AHCYL2: variants seen among roughly 807,000 people sequenced by gnomAD.
AHCYL2 encodes S-adenosylhomocysteine hydrolase-like protein 2.
AHCYL2 carries 28 observed loss-of-function variants against 81.4 expected under a neutral mutation model. The ratio of observed to expected loss-of-function variants is 0.34; its 90% CI spans 0.25 to 0.47. The LOEUF (loss-of-function observed/expected upper bound fraction) is 0.47. Among genes scored for constraint, AHCYL2 ranks in the 20% least tolerant of loss-of-function variants. AHCYL2 has a pLI of 1.00. For missense variants in AHCYL2, 551 were observed against 785.1 expected, an observed-to-expected ratio of 0.70 and a Z score of 3.56; for synonymous variants, 272 against 290.2, an observed-to-expected ratio of 0.94 and a Z score of 0.64.
chr7:129,269,336 A>T (rs1795923076), intron 1 of AHCYL2, among the ~76,000 whole-genome samples: 1 of 151,160 alleles, frequency 6.6e-6, no homozygotes, highest in African/African-American at 2.4e-5. Context: ...GCCAGGTTGG[A>T]GTGCAGTGGC....
chr7:129,319,196 C>CT (rs1797929176), intron 1 of AHCYL2, among the ~76,000 whole-genome samples: 1 of 152,172 alleles, frequency 6.6e-6, no homozygotes, highest in South Asian at 2.1e-4. Context: ...TGGCTCACAC[C>CT]TGTAATCCCA....
chr7:129,270,753 G>A (rs2150727966), intron 1 of AHCYL2, among the ~76,000 whole-genome samples: 1 of 152,284 alleles, frequency 6.6e-6, no homozygotes, highest in East Asian at 1.9e-4. Context: ...CCACATTATT[G>A]AAAAGATGAT....
At chr7:129,284,599 C>CAAAAA (rs1232402820) in intron 1 of AHCYL2, among the ~76,000 whole-genome samples, 1 of 53,320 alleles carries the variant, frequency 1.9e-5, no homozygotes, top group South Asian at 7.1e-4. Flanking sequence ...GACTTCGTCT[C>CAAAAA]AAAAAAAAAA....
intron 1 of AHCYL2, among the ~76,000 whole-genome samples, chr7:129,325,753 A>T: frequency 2.8e-5 from 4 of 141,458 alleles, no homozygotes. Context: ...ACTGACTTTT[A>T]CTCTGTTGCC....
chr7:129,331,567 G>A (rs1798422125), intron 1 of AHCYL2, among the ~76,000 whole-genome samples: 1 of 152,128 alleles, frequency 6.6e-6, no homozygotes, highest in South Asian at 2.1e-4. Flanking sequence ...TCCTGGCCGG[G>A]CGCAGTGGCT....
At position 129,370,118 on chromosome 7, in the gene AHCYL2, G is replaced by A. The variant is rs146684051; in HGVS notation, c.364-9520G>A. Among the ~76,000 whole-genome samples the A allele has an allele frequency of 5.2e-3, 798 of 152,264 alleles. 6 individuals carry two copies. Among genetic ancestry groups the A allele is most frequent in the African/African-American group, 0.019 (769 of 41,538 alleles). ...GAAGAATTCTACTGAACATTAGTGT[G>A]CCAACTCAGAATCAATCAAAGTTTT... On this transcript the variant is annotated intron_variant, in intron 1 of 16. Coordinates refer to ENST00000325006, the MANE Select transcript of AHCYL2 (RefSeq NM_015328.4).
At chr7:129,257,455 A>G (rs1795466968) in intron 1 of AHCYL2, among the ~76,000 whole-genome samples, 1 of 152,098 alleles carries the variant, frequency 6.6e-6, no homozygotes, top group Non-Finnish European at 1.5e-5. Context: ...GCAGAAGAGA[A>G]TGAGGGGTGG....
At chr7:129,273,548 G>A (rs1031181939) in intron 1 of AHCYL2, among the ~76,000 whole-genome samples, 7 of 146,950 alleles carry the variant, frequency 4.8e-5, no homozygotes, top group Admixed American at 6.8e-5. Context: ...GGCTCGTCTC[G>A]AACTCCCGAC....
At chr7:129,263,430 C>G (rs902108930) in intron 1 of AHCYL2, among the ~76,000 whole-genome samples, 1 of 152,192 alleles carries the variant, frequency 6.6e-6, no homozygotes, top group African/African-American at 2.4e-5. Context: ...TAATTCTCCA[C>G]CAGGAAGGAG....
chr7:129,424,766 G>C, intron 13 of AHCYL2, 108 bp from the exon 14 acceptor site: 1 of 1,143,838 alleles, frequency 8.7e-7, no homozygotes, highest in Non-Finnish European at 1.3e-6. Flanking sequence ...TTCCAGCAGT[G>C]TTAGTCAGGA....
chr7:129,421,424 T>C (rs1293120509), intron 12 of AHCYL2, among the ~76,000 whole-genome samples: 1 of 152,220 alleles, frequency 6.6e-6, no homozygotes, highest in Non-Finnish European at 1.5e-5. Flanking sequence ...TTTTTCACTA[T>C]TACAAATAAG....
At chr7:129,261,942 T>C (rs1234266234) in intron 1 of AHCYL2, among the ~76,000 whole-genome samples, 1 of 152,210 alleles carries the variant, frequency 6.6e-6, no homozygotes, top group East Asian at 1.9e-4. Flanking sequence ...ATAAAGAAAA[T>C]GCAAGCAAAA....
At chr7:129,423,710 T>C (rs1250211528) in intron 13 of AHCYL2, among the ~76,000 whole-genome samples, 1 of 152,206 alleles carries the variant, frequency 6.6e-6, no homozygotes, top group Non-Finnish European at 1.5e-5. Flanking sequence ...TTAAAGAACC[T>C]GAATATGAAA....
At chr7:129,325,590 G>C (rs992387471) in intron 1 of AHCYL2, among the ~76,000 whole-genome samples, 1 of 152,006 alleles carries the variant, frequency 6.6e-6, no homozygotes, top group African/African-American at 2.4e-5. Context: ...AAAACTTTCA[G>C]CCATTATTCT....
chr7:129,225,269 C>T lies in AHCYL2; in HGVS notation c.193C>T (p.Pro65Ser), dbSNP rs766068473. ...CGCGGAGCGGCCCCCGGTCCCCGGC[C>T]CGGGCTCGGGGCCCGCCGCCGCTCT... ...PAAERPPVPG[P>S]GSGPAAALSP... The change falls in exon 1 of 17, where the codon CCG (proline) becomes TCG (serine). Residue 65 changes from proline to serine, a missense_variant. Around this residue, in one of 2 missense-constraint regions of AHCYL2, gnomAD observed 235 missense variants for 242.1 expected, o/e 0.97. Transcript: ENST00000325006. 73 of 1,453,108 alleles carry T rather than the reference C, an allele frequency of 5.0e-5. No individual in the cohort carries two copies. Among genetic ancestry groups the T allele is most frequent in the Non-Finnish European group, 6.0e-5 (67 of 1,111,904 alleles). 90.0% of individuals were successfully genotyped at this position (1,453,108 alleles called of 1,614,324 possible).
chr7:129,312,520 T>C (rs964015220), intron 1 of AHCYL2, among the ~76,000 whole-genome samples: 1 of 152,186 alleles, frequency 6.6e-6, no homozygotes, highest in Non-Finnish European at 1.5e-5. Context: ...TCCATCCTCC[T>C]GCCTTAGCCT....
At chr7:129,405,627 C>T in intron 8 of AHCYL2, 1 of 473,390 alleles carries the variant, frequency 2.1e-6, no homozygotes, top group East Asian at 3.2e-5. Flanking sequence ...GGATAGAAAC[C>T]AGACTTTCAG....
chr7:129,267,979 G>T (rs1016226770), intron 1 of AHCYL2, among the ~76,000 whole-genome samples: 1 of 152,160 alleles, frequency 6.6e-6, no homozygotes, highest in Non-Finnish European at 1.5e-5. Context: ...TAAGAAAAAA[G>T]AGGATGAGGG....
intron 1 of AHCYL2, among the ~76,000 whole-genome samples, chr7:129,317,234 CAT>C (rs1188450923): frequency 1.1e-4 from 17 of 152,232 alleles, no homozygotes; most frequent in Admixed American, 7.2e-4. Flanking sequence ...CAGAAGCCAT[CAT>C]GTGATTTTAA....
Sources: gnomAD v4.1 joint callset for allele counts (sites outside exome capture counted in the v4.1 genomes callset) on GRCh38, gnomAD v4.1.1 for gene constraint, gnomAD v4.1.1 regional missense constraint, MANE v1.5 for transcripts, NCBI Gene and HGNC (gene_info 2026-07-23, HGNC 2026-07-21) for gene names.